Variants in TNFRSF19 observed in about 807,000 individuals in gnomAD.
TNFRSF19 encodes the protein tumor necrosis factor receptor superfamily member 19.
Under a neutral mutation model 46.4 loss-of-function variants are expected in TNFRSF19, and 27 were observed. The observed-to-expected ratio is 0.58, with a 90% confidence interval of 0.43 to 0.80. The LOEUF (loss-of-function observed/expected upper bound fraction) is 0.80, where lower values mean the gene tolerates loss of function less well. Ranked by LOEUF, TNFRSF19 falls within the 30% of genes least tolerant of loss-of-function variation. The pLI, the probability that TNFRSF19 is intolerant of heterozygous loss-of-function variation, is 0.00. For synonymous variants in TNFRSF19, 204 were observed against 205.0 expected, an observed-to-expected ratio of 1.00 and a Z score of 0.04; for missense variants, 511 against 530.8, an observed-to-expected ratio of 0.96 and a Z score of 0.37.
chr13:23,602,392 G>A (rs1301332791), intron 3 of TNFRSF19, among the ~76,000 whole-genome samples: 1 of 152,040 alleles, frequency 6.6e-6, no homozygotes, highest in Non-Finnish European at 1.5e-5. Flanking sequence ...AGAACTACAA[G>A]GAGATATAGA....
chr13:23,647,897 A>G (rs935553632), intron 5 of TNFRSF19, among the ~76,000 whole-genome samples: 1 of 152,046 alleles, frequency 6.6e-6, no homozygotes, highest in Non-Finnish European at 1.5e-5. Context: ...CCATAAATGT[A>G]TTGGTTTACT....
At chr13:23,654,280 G>A (rs1447133324) in intron 5 of TNFRSF19, among the ~76,000 whole-genome samples, 3 of 152,150 alleles carry the variant, frequency 2.0e-5, no homozygotes, top group South Asian at 2.1e-4. Context: ...AAGCCCAGGC[G>A]GAGTCCAGCT....
chr13:23,622,071 C>T (rs1334920280), intron 4 of TNFRSF19, among the ~76,000 whole-genome samples: 1 of 152,144 alleles, frequency 6.6e-6, no homozygotes, highest in Admixed American at 6.5e-5. Flanking sequence ...ACTCACCCTC[C>T]TTTCTAAATA....
intron 2 of TNFRSF19, among the ~76,000 whole-genome samples, chr13:23,590,578 G>A (rs7334672): frequency 0.44 from 67,227 of 152,010 alleles, 15,359 homozygotes; most frequent in African/African-American, 0.53. Flanking sequence ...CAGGTGATCC[G>A]CCTGCTTTGG....
In TNFRSF19 at chr13:23,613,162, T is replaced by C. The variant is rs76822937; in HGVS notation, c.181-2705T>C. Among the ~76,000 whole-genome samples, 1,263 of 152,356 alleles carry C rather than the reference T, an allele frequency of 8.3e-3. 28 individuals carry two copies. Among genetic ancestry groups the C allele is most frequent in the East Asian group, 0.076 (393 of 5,182 alleles). ...TTTATGATTCTTGAATCAGCAAAGT[T>C]GGTTTATTTATTGGATTGTAGAAAA... On this transcript the variant is annotated intron_variant, in intron 3 of 9. Transcript: ENST00000248484.
intron 3 of TNFRSF19, among the ~76,000 whole-genome samples, chr13:23,603,733 A>G (rs1880326364): frequency 6.6e-6 from 1 of 152,046 alleles, no homozygotes; most frequent in African/African-American, 2.4e-5. Context: ...TATAGCAGTA[A>G]GTGCACAAAA....
chr13:23,611,056 C>A (rs1171235996), intron 3 of TNFRSF19, among the ~76,000 whole-genome samples: 1 of 152,064 alleles, frequency 6.6e-6, no homozygotes, highest in African/African-American at 2.4e-5. Context: ...TCCTGAAGCC[C>A]AGGCTAAAGA....
At chr13:23,614,936 G>T (rs982442184) in intron 3 of TNFRSF19, among the ~76,000 whole-genome samples, 2 of 151,988 alleles carry the variant, frequency 1.3e-5, no homozygotes, top group Non-Finnish European at 2.9e-5. Flanking sequence ...TGGCAGTGCT[G>T]CCCTGATTGG....
chr13:23,596,198 T>C lies in TNFRSF19; in HGVS notation c.180+2743T>C. Reference sequence around the variant, plus strand: ...CCATTGACACTATGAAGAAACTGCATCAACAGGCAAAATAACCAGCTAGCA... The same window carrying C: ...CCATTGACACTATGAAGAAACTGCACCAACAGGCAAAATAACCAGCTAGCA... On this transcript the variant is annotated intron_variant, in intron 3 of 9. Coordinates refer to ENST00000248484, the MANE Select transcript of TNFRSF19 (RefSeq NM_148957.4). 1.3e-5 allele frequency among the ~76,000 whole-genome samples: 2 copies of C among 152,120 alleles called. 1 individual carries two copies. Among genetic ancestry groups the C allele is most frequent in the African/African-American group, 4.8e-5 (2 of 41,424 alleles).
chr13:23,614,450 T>C (rs1055064455), intron 3 of TNFRSF19, among the ~76,000 whole-genome samples: 20 of 152,186 alleles, frequency 1.3e-4, no homozygotes, highest in Non-Finnish European at 1.2e-4. Context: ...GAAATTAAAA[T>C]ATGTAAATTT....
chr13:23,581,218 G>A (rs1878404168), intron 1 of TNFRSF19, among the ~76,000 whole-genome samples: 1 of 150,224 alleles, frequency 6.7e-6, no homozygotes, highest in Admixed American at 6.6e-5. Context: ...CCCGCTCTGC[G>A]CACTGCAAGC....
chr13:23,640,664 A>G (rs1168899659), intron 5 of TNFRSF19, among the ~76,000 whole-genome samples: 1 of 152,182 alleles, frequency 6.6e-6, no homozygotes, highest in African/African-American at 2.4e-5. Context: ...TCATCTGAGA[A>G]TGTTCACCAA....
intron 5 of TNFRSF19, among the ~76,000 whole-genome samples, chr13:23,630,378 G>C (rs926780485): frequency 2.0e-5 from 3 of 150,374 alleles, no homozygotes; most frequent in Non-Finnish European, 4.4e-5. Flanking sequence ...AGGCTGAAGA[G>C]ACCCGAATTA....
chr13:23,586,166 G>A (rs1212107643), intron 1 of TNFRSF19, among the ~76,000 whole-genome samples: 1 of 144,554 alleles, frequency 6.9e-6, no homozygotes, highest in Admixed American at 6.8e-5. Context: ...GCTGAGGTAG[G>A]AGAATGGTGT....
At chr13:23,613,270 C>T (rs934012231) in intron 3 of TNFRSF19, among the ~76,000 whole-genome samples, 4 of 152,210 alleles carry the variant, frequency 2.6e-5, no homozygotes, top group African/African-American at 9.6e-5. Context: ...ACTTTATATG[C>T]ATTCCCATTT....
chr13:23,631,391 T>G (rs895567015), intron 5 of TNFRSF19, among the ~76,000 whole-genome samples: 2 of 152,248 alleles, frequency 1.3e-5, no homozygotes, highest in Non-Finnish European at 2.9e-5. Context: ...TGGATTCTTT[T>G]GCCACTTCGG....
intron 1 of TNFRSF19, chr13:23,579,427 C>G (rs1309975930): frequency 2.6e-5 from 1 of 38,256 alleles, no homozygotes; most frequent in African/African-American, 9.3e-5. Flanking sequence ...CTGGACTGGA[C>G]CCCCATGCAA....
intron 4 of TNFRSF19, among the ~76,000 whole-genome samples, chr13:23,619,826 A>T (rs977486919): frequency 1.9e-4 from 29 of 152,128 alleles, no homozygotes; most frequent in Admixed American, 1.8e-3. Flanking sequence ...GAAAGGCCTG[A>T]CCTAGGACTG....
chr13:23,611,111 C>T lies in TNFRSF19; in HGVS notation c.181-4756C>T, dbSNP rs191672360. 8.6e-3 allele frequency among the ~76,000 whole-genome samples: 1,148 copies of T among 133,186 alleles called. 13 individuals are homozygous for T. The highest frequency in any genetic ancestry group is 8.3e-3 in the Non-Finnish European group (519 of 62,698). The allele number at this position is 133,186 out of a possible 152,430, so 87.4% of individuals were successfully genotyped here. ...CCCTCCTTGCCCTCCCCTCACCAGA[C>T]ACACACACACATGTGCACACACACA... is the stretch of plus-strand genomic sequence containing the variant. On this transcript the variant is annotated intron_variant, in intron 3 of 9. Transcript: ENST00000248484.
Sources: gnomAD v4.1 joint callset for allele counts (sites outside exome capture counted in the v4.1 genomes callset) on GRCh38, gnomAD v4.1.1 for gene constraint, MANE v1.5 for transcripts, NCBI Gene and HGNC (gene_info 2026-07-23, HGNC 2026-07-21) for gene names.